The following DENND1A variants were observed in gnomAD, a reference collection of about 807,000 sequenced individuals.
DENND1A encodes DENN domain containing 1A.
DENND1A carries 51 observed loss-of-function variants against 113.7 expected under a neutral mutation model. The ratio of observed to expected loss-of-function variants is 0.45; its 90% CI spans 0.36 to 0.57. DENND1A has a LOEUF of 0.57. Among genes scored for constraint, DENND1A ranks in the 20% least tolerant of loss-of-function variants. The pLI is 0.00. For synonymous variants in DENND1A, 565 were observed against 570.8 expected, an observed-to-expected ratio of 0.99 and a Z score of 0.14; for missense variants, 1,258 against 1,395.9, an observed-to-expected ratio of 0.90 and a Z score of 1.57.
chr9:123,511,243 T>G (rs954087530), intron 13 of DENND1A, among the ~76,000 whole-genome samples: 1 of 152,172 alleles, frequency 6.6e-6, no homozygotes, highest in African/African-American at 2.4e-5. Context: ...CCTTCGAACT[T>G]GGGCTCCAGT....
Position 123,583,151 on chromosome 9 carries a change from C to G in DENND1A, c.867+18G>C, listed in dbSNP as rs762411729. 13 of 1,582,632 alleles carry G rather than the reference C, an allele frequency of 8.2e-6. No homozygotes were observed. Among genetic ancestry groups the G allele is most frequent in the South Asian group, 3.4e-5 (3 of 87,958 alleles). On this transcript the variant is annotated intron_variant, in intron 12 of 23. Coordinates refer to ENST00000394215, the MANE Select transcript of DENND1A (RefSeq NM_001352964.2). ...CAGGAGCTCACAGAAGTGAGATCCT[C>G]GCAAGCTCATTACCTACCACGTCGT...
intron 19 of DENND1A, among the ~76,000 whole-genome samples, chr9:123,418,234 G>A (rs1026616655): frequency 2.6e-5 from 4 of 152,212 alleles, no homozygotes; most frequent in African/African-American, 9.6e-5. Flanking sequence ...CCACACCACT[G>A]CTGGGAGATG....
intron 2 of DENND1A, among the ~76,000 whole-genome samples, chr9:123,800,875 T>C (rs1340977838): frequency 6.6e-6 from 1 of 152,126 alleles, no homozygotes. Flanking sequence ...ATAGAGTAAA[T>C]AAAAACACAG....
At chr9:123,524,799 C>T (rs2054680767) in intron 13 of DENND1A, among the ~76,000 whole-genome samples, 1 of 152,214 alleles carries the variant, frequency 6.6e-6, no homozygotes, top group South Asian at 2.1e-4. Context: ...GTGCTCTTTA[C>T]TGATTGGTGA....
chr9:123,538,297 T>C (rs1406994113), intron 13 of DENND1A, among the ~76,000 whole-genome samples: 3 of 152,186 alleles, frequency 2.0e-5, no homozygotes, highest in Non-Finnish European at 4.4e-5. Flanking sequence ...ATTGGAAGTA[T>C]CAATATGAAC....
intron 5 of DENND1A, among the ~76,000 whole-genome samples, chr9:123,714,318 T>C (rs980953634): frequency 7.9e-5 from 12 of 152,140 alleles, no homozygotes; most frequent in Non-Finnish European, 7.4e-5. Context: ...ACTCTCAGCA[T>C]TGGCCGGGTG....
intron 20 of DENND1A, among the ~76,000 whole-genome samples, chr9:123,410,360 C>T (rs2044209086): frequency 6.6e-6 from 1 of 152,220 alleles, no homozygotes; most frequent in Non-Finnish European, 1.5e-5. Context: ...AAAGCAGTTT[C>T]TTTTTGCTGC....
intron 21 of DENND1A, among the ~76,000 whole-genome samples, chr9:123,393,422 ACAG>A (rs913677191): frequency 1.3e-5 from 2 of 152,154 alleles, no homozygotes; most frequent in Non-Finnish European, 2.9e-5. Flanking sequence ...CAGAGATTCC[ACAG>A]CAAAGGAATC....
intron 13 of DENND1A, among the ~76,000 whole-genome samples, chr9:123,468,776 G>T (rs953042352): frequency 5.3e-5 from 8 of 152,226 alleles, no homozygotes; most frequent in Non-Finnish European, 1.0e-4. Flanking sequence ...AGGCTTAGAT[G>T]ACAATGACTT....
At chr9:123,804,452 C>T (rs1053867643) in intron 2 of DENND1A, among the ~76,000 whole-genome samples, 4 of 152,204 alleles carry the variant, frequency 2.6e-5, no homozygotes, top group Non-Finnish European at 5.9e-5. Context: ...CTTCTGCAGG[C>T]TCCTTGCTGA....
intron 1 of DENND1A, among the ~76,000 whole-genome samples, chr9:123,894,895 A>C (rs1489863538): frequency 6.6e-6 from 1 of 152,196 alleles, no homozygotes; most frequent in Non-Finnish European, 1.5e-5. Context: ...GATTGTTCAC[A>C]TTGCAGAATG....
chr9:123,538,172 T>C (rs898623868), intron 13 of DENND1A, among the ~76,000 whole-genome samples: 6 of 152,250 alleles, frequency 3.9e-5, no homozygotes, highest in African/African-American at 7.2e-5. Flanking sequence ...TTAGTAATTC[T>C]GGAGTATTTT....
At position 123,382,420 on chromosome 9, in the gene DENND1A, A is replaced by G. The variant is rs758450688; in HGVS notation, c.2225T>C (p.Leu742Pro). The G allele has an allele frequency of 6.2e-7, 1 of 1,606,050 alleles. No individual in the cohort carries two copies. The highest frequency in any genetic ancestry group is 1.3e-5 in the African/African-American group (1 of 74,908). ...CACCTCCTCCTTGTCACTGGGGTTC[A>G]GGATGCTGTCCCGGTTCTGGGGCCT... Reference protein sequence around the residue: ...PRRPQNRDSILNPSDKEEVPT... With the variant: ...PRRPQNRDSIPNPSDKEEVPT... Residue 742 changes from leucine to proline, a missense_variant, in exon 24 of 24, where the codon CTG (leucine) becomes CCG (proline). Physicochemically the swap from Leu to Pro is moderately conservative, Grantham distance 98. Transcript: ENST00000394215.
At chr9:123,741,699 T>A (rs1332581014) in intron 5 of DENND1A, among the ~76,000 whole-genome samples, 1 of 152,186 alleles carries the variant, frequency 6.6e-6, no homozygotes, top group Non-Finnish European at 1.5e-5. Context: ...CACCTTGATA[T>A]GAAACTAAAC....
At chr9:123,455,875 C>T (rs1244723228) in intron 15 of DENND1A, among the ~76,000 whole-genome samples, 1 of 152,228 alleles carries the variant, frequency 6.6e-6, no homozygotes, top group East Asian at 1.9e-4. Flanking sequence ...CCTCACATTA[C>T]ACAGCGAGGA....
At chr9:123,754,254 G>T (rs1199392818) in intron 5 of DENND1A, among the ~76,000 whole-genome samples, 2 of 152,086 alleles carry the variant, frequency 1.3e-5, no homozygotes, top group Non-Finnish European at 2.9e-5. Context: ...TCATTCTCTT[G>T]GCAGACCTCT....
At chr9:123,866,199 C>A (rs990034871) in intron 2 of DENND1A, among the ~76,000 whole-genome samples, 4 of 152,158 alleles carry the variant, frequency 2.6e-5, no homozygotes, top group Non-Finnish European at 5.9e-5. Context: ...AAACTTTAGA[C>A]CATATTCCAG....
At chr9:123,570,308 C>A (rs776885682) in intron 12 of DENND1A, among the ~76,000 whole-genome samples, 6 of 152,158 alleles carry the variant, frequency 3.9e-5, no homozygotes, top group Non-Finnish European at 8.8e-5. Context: ...TGTATGGAAG[C>A]AAAGCTGTCA....
At chr9:123,912,894 A>G (rs571645068) in intron 1 of DENND1A, among the ~76,000 whole-genome samples, 2 of 152,204 alleles carry the variant, frequency 1.3e-5, no homozygotes, top group South Asian at 2.1e-4. Context: ...AGTGGGAGCA[A>G]GAATAAGGCA....
Sources: allele counts gnomAD v4.1 joint callset (sites outside exome capture counted in the v4.1 genomes callset), GRCh38; gene constraint gnomAD v4.1.1; transcripts MANE v1.5; gene names NCBI Gene and HGNC (gene_info 2026-07-23, HGNC 2026-07-21).